Variants in GRM7 observed in about 807,000 individuals in gnomAD.
The protein encoded by GRM7 is glutamate metabotropic receptor 7, also known as metabotropic glutamate receptor 7.
GRM7 carries 35 observed loss-of-function variants against 84.5 expected under a neutral mutation model. The observed-to-expected ratio is 0.41, with a 90% CI of 0.32 to 0.55. GRM7 has a LOEUF of 0.55. Ranked by LOEUF, GRM7 falls within the 20% of genes least tolerant of loss-of-function variation. The probability of loss-of-function intolerance (pLI) is 0.19; values close to 1 mark genes in which losing one functional copy is unlikely to be tolerated. For missense variants in GRM7, 1,003 were observed against 1,194.6 expected (o/e 0.84, Z 2.36); for synonymous variants, 487 against 455.1 (o/e 1.07, Z -0.89).
At chr3:7,532,803 C>CA (rs36040168) in intron 7 of GRM7, among the ~76,000 whole-genome samples, 34,961 of 70,926 alleles carry the variant, frequency 0.49, 8,846 homozygotes, top group East Asian at 0.6. Flanking sequence ...AAAGGGAAAG[C>CA]AAAAAAAAAA....
intron 8 of GRM7, among the ~76,000 whole-genome samples, chr3:7,623,795 C>A (rs1232485361): frequency 2.0e-5 from 3 of 152,142 alleles, no homozygotes; most frequent in Non-Finnish European, 4.4e-5. Context: ...GATAAAATAA[C>A]ATACATAATC....
chr3:7,302,878 T>A (rs1405493257), intron 3 of GRM7, among the ~76,000 whole-genome samples: 5 of 151,834 alleles, frequency 3.3e-5, no homozygotes, highest in Non-Finnish European at 1.5e-5. Context: ...CATTTTTGGA[T>A]ACATTATCAA....
At chr3:7,699,290 T>A (rs1701134648) in intron 9 of GRM7, among the ~76,000 whole-genome samples, 1 of 152,136 alleles carries the variant, frequency 6.6e-6, no homozygotes, top group Non-Finnish European at 1.5e-5. Context: ...GTGAACATAA[T>A]TACATAAACT....
intron 2 of GRM7, among the ~76,000 whole-genome samples, chr3:7,194,894 C>T (rs78144675): frequency 8.4e-4 from 128 of 152,232 alleles, no homozygotes; most frequent in East Asian, 5.2e-3. Context: ...AATTGTCTTG[C>T]TCAGGGATTC....
chr3:7,285,248 A>AT (rs919764458), intron 2 of GRM7, among the ~76,000 whole-genome samples: 10 of 152,086 alleles, frequency 6.6e-5, no homozygotes, highest in African/African-American at 1.9e-4. Context: ...GAAGAATAGT[A>AT]TTTTTTCCCT....
At chr3:6,934,792 T>C (rs17046408) in intron 1 of GRM7, among the ~76,000 whole-genome samples, 5,074 of 152,090 alleles carry the variant, frequency 0.033, 278 homozygotes, top group African/African-American at 0.12. Flanking sequence ...GAAGTTTGGA[T>C]TGGTAGGGGA....
chr3:7,667,623 T>G (rs1194811550), intron 8 of GRM7, among the ~76,000 whole-genome samples: 5 of 152,154 alleles, frequency 3.3e-5, no homozygotes, highest in African/African-American at 1.2e-4. Flanking sequence ...CTAAGAATTT[T>G]TTTTTCCTAA....
intron 9 of GRM7, among the ~76,000 whole-genome samples, chr3:7,701,816 T>A (rs1701240321): frequency 6.6e-6 from 1 of 152,152 alleles, no homozygotes; most frequent in South Asian, 2.1e-4. Flanking sequence ...AGCCTGCTAA[T>A]CACTGATGAT....
intron 2 of GRM7, 176 bp from the exon 3 acceptor site, chr3:7,298,508 G>A: frequency 1.7e-6 from 1 of 582,576 alleles, no homozygotes; most frequent in Non-Finnish European, 3.0e-6. Context: ...AAGTGCATTA[G>A]GTATGAACAA....
At chr3:7,017,454 A>G (rs1248181161) in intron 1 of GRM7, among the ~76,000 whole-genome samples, 7 of 152,320 alleles carry the variant, frequency 4.6e-5, no homozygotes, top group African/African-American at 1.7e-4. Flanking sequence ...AAGCGAGTCA[A>G]TTTTGCTAAA....
chr3:7,656,543 GCGCGCA>G (rs1381719978), intron 8 of GRM7, among the ~76,000 whole-genome samples: 9,437 of 119,918 alleles, frequency 0.079, 1,009 homozygotes, highest in African/African-American at 0.25. Context: ...ATATATACGC[GCGCGCA>G]CACACACACA....
intron 7 of GRM7, among the ~76,000 whole-genome samples, chr3:7,562,753 A>G (rs571649676): frequency 6.6e-6 from 1 of 152,156 alleles, no homozygotes; most frequent in Non-Finnish European, 1.5e-5. Flanking sequence ...CACTAGATTA[A>G]ATCAAGGAGG....
At chr3:7,193,184 G>C (rs974307671) in intron 2 of GRM7, among the ~76,000 whole-genome samples, 1 of 152,082 alleles carries the variant, frequency 6.6e-6, no homozygotes, top group South Asian at 2.1e-4. Context: ...GTTTCTTTAA[G>C]GGATAAATGG....
intron 5 of GRM7, among the ~76,000 whole-genome samples, chr3:7,442,137 T>C (rs1176697305): frequency 6.6e-6 from 1 of 152,136 alleles, no homozygotes; most frequent in Non-Finnish European, 1.5e-5. Flanking sequence ...TTCTGTTTGT[T>C]TGTGTCATCT....
At chr3:7,117,464 G>A (rs988244296) in intron 1 of GRM7, among the ~76,000 whole-genome samples, 15 of 152,144 alleles carry the variant, frequency 9.9e-5, no homozygotes, top group South Asian at 8.3e-4. Flanking sequence ...TCACTTAAGC[G>A]ATCATCTTTT....
At chr3:7,590,202 A>G (rs1283868054) in intron 8 of GRM7, among the ~76,000 whole-genome samples, 1 of 152,140 alleles carries the variant, frequency 6.6e-6, no homozygotes, top group Non-Finnish European at 1.5e-5. Context: ...TTGCTTTTTC[A>G]AAAACCTTCC....
chr3:7,487,185 A>T (rs1320392972), intron 7 of GRM7, among the ~76,000 whole-genome samples: 1 of 152,184 alleles, frequency 6.6e-6, no homozygotes, highest in Non-Finnish European at 1.5e-5. Flanking sequence ...ATATAGAAGG[A>T]ACTGTGTGGC....
intron 1 of GRM7, among the ~76,000 whole-genome samples, chr3:7,051,767 A>G (rs1344530029): frequency 6.6e-6 from 1 of 151,800 alleles, no homozygotes; most frequent in Non-Finnish European, 1.5e-5. Flanking sequence ...ATTCTGCAGT[A>G]GTTCCTATTG....
chr3:7,577,853 C>T (rs1267868218), intron 7 of GRM7, among the ~76,000 whole-genome samples: 1 of 152,146 alleles, frequency 6.6e-6, no homozygotes, highest in Non-Finnish European at 1.5e-5. Context: ...GTGAAAATGA[C>T]AGTAATGCTT....
Sources: allele counts gnomAD v4.1 joint callset (sites outside exome capture counted in the v4.1 genomes callset), GRCh38; gene constraint gnomAD v4.1.1; transcripts MANE v1.5; gene names NCBI Gene and HGNC (gene_info 2026-07-23, HGNC 2026-07-21).